The following SGCD variants were observed in gnomAD, a reference collection of about 807,000 sequenced individuals.
SGCD encodes the protein sarcoglycan delta.
A neutral mutation model predicts 36.6 loss-of-function variants in SGCD; 18 were observed. The ratio of observed to expected loss-of-function variants is 0.49; its 90% CI spans 0.34 to 0.73. SGCD has a LOEUF of 0.73. Among genes scored for constraint, SGCD ranks in the 30% least tolerant of loss-of-function variants. The pLI, the probability that SGCD is intolerant of heterozygous loss-of-function variation, is 0.01. For synonymous variants in SGCD, 133 were observed against 130.6 expected (o/e 1.02, Z -0.12); for missense variants, 387 against 346.7 (o/e 1.12, Z -0.92).
intron 6 of SGCD, among the ~76,000 whole-genome samples, chr5:156,601,496 T>C (rs1257074756): frequency 6.6e-6 from 1 of 152,254 alleles, no homozygotes; most frequent in Non-Finnish European, 1.5e-5. Context: ...GGTGTATGTG[T>C]CTACTTTTAT....
intron 6 of SGCD, among the ~76,000 whole-genome samples, chr5:156,607,173 G>A (rs1321279616): frequency 1.3e-5 from 2 of 152,142 alleles, no homozygotes; most frequent in African/African-American, 4.8e-5. Flanking sequence ...TATGATATTG[G>A]CTGTGGGTTT....
the SGCD span, among the ~76,000 whole-genome samples, chr5:155,728,622 C>G: frequency 6.6e-6 from 1 of 152,172 alleles, no homozygotes; most frequent in Admixed American, 6.5e-5. Context: ...GGAGGCTTTC[C>G]GCAGCCGCTT....
the SGCD span, among the ~76,000 whole-genome samples, chr5:155,844,456 T>TG: frequency 1.4e-5 from 2 of 148,070 alleles, no homozygotes; most frequent in Admixed American, 6.7e-5. Context: ...TGTGTGTGTG[T>TG]TATAAACAAG....
intron 3 of SGCD, among the ~76,000 whole-genome samples, chr5:156,498,754 CA>C (rs1756312471): frequency 6.6e-6 from 1 of 152,128 alleles, no homozygotes; most frequent in African/African-American, 2.4e-5. Flanking sequence ...TTTGTGTGAA[CA>C]TACGTTTTTA....
upstream of SGCD, among the ~76,000 whole-genome samples, chr5:155,869,658 TTA>T (rs1244174569): frequency 3.8e-5 from 5 of 133,202 alleles, no homozygotes; most frequent in Admixed American, 7.9e-5. Context: ...TTTTTTTTTT[TTA>T]AATTTCACCT....
Position 156,757,805 on chromosome 5 carries a change from A to G in SGCD, c.699+101A>G, listed in dbSNP as rs989932263. 2.8e-6 allele frequency: 4 copies of G among 1,420,600 alleles called. No homozygotes were observed. The African/African-American group carries it at 4.3e-5, about 15-fold the overall frequency. The allele number at this position is 1,420,600 out of a possible 1,614,324, so 88.0% of individuals were successfully genotyped here. A position where few individuals can be genotyped will look rare whatever the true frequency, so the allele number is the denominator to read the frequency against. ...CGGAGTTGGATCCTACAGTGTATCAACAAAAGGAGCCAAGCAGGTTTTATT... is the reference window on the plus strand; with the variant it reads ...CGGAGTTGGATCCTACAGTGTATCAGCAAAAGGAGCCAAGCAGGTTTTATT... On this transcript the variant is annotated intron_variant, in intron 8 of 8. Transcript: ENST00000337851.
intron 1 of SGCD, among the ~76,000 whole-genome samples, chr5:156,008,534 C>T (rs1306790942): frequency 6.6e-6 from 1 of 152,102 alleles, no homozygotes. Flanking sequence ...GACCACCATG[C>T]CTGGCTAATT....
At chr5:156,222,015 T>C (rs1250987761) in intron 3 of SGCD, among the ~76,000 whole-genome samples, 5 of 152,004 alleles carry the variant, frequency 3.3e-5, no homozygotes, top group Admixed American at 2.0e-4. Context: ...CTGGATGTAT[T>C]TGAGGGTCTG....
intron 3 of SGCD, among the ~76,000 whole-genome samples, chr5:156,195,540 A>G (rs1764003885): frequency 6.6e-6 from 1 of 152,210 alleles, no homozygotes; most frequent in Non-Finnish European, 1.5e-5. Context: ...GGAGAATTAA[A>G]TCATTCAAAT....
At chr5:156,175,415 A>C (rs985531654) in intron 3 of SGCD, among the ~76,000 whole-genome samples, 3 of 152,136 alleles carry the variant, frequency 2.0e-5, no homozygotes, top group African/African-American at 7.2e-5. Flanking sequence ...ACTTAGAAAA[A>C]AAAAATATTC....
chr5:155,858,851 C>T, the SGCD span, among the ~76,000 whole-genome samples: 1 of 152,034 alleles, frequency 6.6e-6, no homozygotes, highest in Non-Finnish European at 1.5e-5. Flanking sequence ...CTAGGTGAGT[C>T]CTATGCACAT....
chr5:155,896,027 C>A (rs1756244729), intron 1 of SGCD, among the ~76,000 whole-genome samples: 1 of 152,188 alleles, frequency 6.6e-6, no homozygotes, highest in Admixed American at 6.5e-5. Flanking sequence ...CCATGCGTAT[C>A]CTGACTTTTT....
intron 3 of SGCD, among the ~76,000 whole-genome samples, chr5:156,502,037 TC>T (rs1756477313): frequency 6.7e-6 from 1 of 149,792 alleles, no homozygotes; most frequent in African/African-American, 2.5e-5. Context: ...TGATATTCTC[TC>T]TTTTTTTTTT....
At chr5:156,119,622 A>G (rs1317426423) in intron 2 of SGCD, among the ~76,000 whole-genome samples, 5 of 152,126 alleles carry the variant, frequency 3.3e-5, no homozygotes, top group African/African-American at 1.2e-4. Flanking sequence ...ATTTGGATCC[A>G]TAGTTCATCC....
chr5:156,327,233 G>A lies in SGCD; in HGVS notation c.-44+1G>A, dbSNP rs959438136. 2 of 152,328 alleles carry A rather than the reference G, an allele frequency of 1.3e-5. No individual in the cohort carries two copies. Among genetic ancestry groups the A allele is most frequent in the African/African-American group, 4.8e-5 (2 of 41,466 alleles). 9.4% of individuals were successfully genotyped at this position (152,328 alleles called of 1,614,324 possible). A position where few individuals can be genotyped will look rare whatever the true frequency, so the allele number is the denominator to read the frequency against. On this transcript the variant is annotated splice_donor_variant, in intron 1 of 8. Transcript: ENST00000337851. LOFTEE classifies it low-confidence loss of function (5UTR_SPLICE). ...CCGGTTTGTGAAACGGACAAGAGAG[G>A]TAGGGTACTGTTCAGTTCTTGCGTT... is the stretch of plus-strand genomic sequence containing the variant.
At chr5:156,513,560 G>A (rs1757032371) in intron 4 of SGCD, among the ~76,000 whole-genome samples, 1 of 152,160 alleles carries the variant, frequency 6.6e-6, no homozygotes, top group Admixed American at 6.5e-5. Context: ...AGTTGAGCAA[G>A]ATTAGTCAAC....
chr5:156,582,171 G>T (rs1318957731), intron 4 of SGCD, among the ~76,000 whole-genome samples: 1 of 152,128 alleles, frequency 6.6e-6, no homozygotes, highest in Non-Finnish European at 1.5e-5. Flanking sequence ...TCAGGCTGTT[G>T]GAAGAAATGT....
chr5:156,019,410 GC>G (rs1332643936), intron 1 of SGCD, among the ~76,000 whole-genome samples: 1 of 151,924 alleles, frequency 6.6e-6, no homozygotes, highest in Non-Finnish European at 1.5e-5. Context: ...GAAAAAAAAA[GC>G]CTTTCATTTA....
intron 7 of SGCD, among the ~76,000 whole-genome samples, chr5:156,752,992 G>A (rs1015964777): frequency 6.6e-6 from 1 of 152,054 alleles, no homozygotes; most frequent in Non-Finnish European, 1.5e-5. Flanking sequence ...CTTGGTGGGG[G>A]CACCTGAGTT....
Sources: gnomAD v4.1 joint callset for allele counts (sites outside exome capture counted in the v4.1 genomes callset) on GRCh38, gnomAD v4.1.1 for gene constraint, MANE v1.5 for transcripts, NCBI Gene and HGNC (gene_info 2026-07-23, HGNC 2026-07-21) for gene names.